The following NAALADL2 variants were observed in gnomAD, a reference collection of about 807,000 sequenced individuals.
NAALADL2 encodes the protein inactive N-acetylated-alpha-linked acidic dipeptidase-like protein 2.
NAALADL2 carries 76 observed loss-of-function variants against 87.2 expected under a neutral mutation model. That is an observed-to-expected ratio of 0.87 (90% CI 0.72 to 1.05). The LOEUF (loss-of-function observed/expected upper bound fraction) is 1.05. NAALADL2 is among the 50% of genes least tolerant of loss of function. The pLI is 0.00. For missense variants in NAALADL2, 1,089 were observed against 945.8 expected (o/e 1.15, Z -1.99); for synonymous variants, 354 against 331.0 (o/e 1.07, Z -0.75).
chr3:175,505,192 G>C (rs1242894099), intron 9 of NAALADL2, among the ~76,000 whole-genome samples: 3 of 151,688 alleles, frequency 2.0e-5, no homozygotes, highest in Non-Finnish European at 4.4e-5. Flanking sequence ...TTGAGCTCAG[G>C]AGTTCAGTGT....
rs137984430 is a variant in NAALADL2 at position 175,414,307 on chromosome 3, A to G, written c.1091-32922A>G. ...AGTGAATTAAGGCTTTATGAATATT[A>G]GATGCTCATGTATTTTTAGTATATG... On this transcript the variant is annotated intron_variant, in intron 5 of 13. Coordinates refer to ENST00000454872, the MANE Select transcript of NAALADL2 (RefSeq NM_207015.3). Among the ~76,000 whole-genome samples, 671 of 152,322 alleles carry G rather than the reference A, an allele frequency of 4.4e-3. 1 individual carries two copies. The highest frequency in any genetic ancestry group is 6.9e-3 in the Non-Finnish European group (470 of 68,022).
chr3:175,514,753 C>A (rs1300140513), intron 9 of NAALADL2, among the ~76,000 whole-genome samples: 1 of 151,894 alleles, frequency 6.6e-6, no homozygotes, highest in Non-Finnish European at 1.5e-5. Context: ...ACACTAGAGG[C>A]AAATAAAAGA....
At chr3:175,496,414 T>G in intron 9 of NAALADL2, among the ~76,000 whole-genome samples, 1 of 152,058 alleles carries the variant, frequency 6.6e-6, no homozygotes, top group South Asian at 2.1e-4. Flanking sequence ...CCATATATTT[T>G]ATATATTATC....
intron 5 of NAALADL2, among the ~76,000 whole-genome samples, chr3:175,402,837 C>A (rs1711566632): frequency 6.6e-6 from 1 of 152,110 alleles, no homozygotes; most frequent in African/African-American, 2.4e-5. Context: ...CTTCTTTGAC[C>A]AGACTTAGCA....
intron 10 of NAALADL2, among the ~76,000 whole-genome samples, chr3:175,593,981 C>CTT (rs11302779): frequency 4.0e-5 from 6 of 148,338 alleles, no homozygotes; most frequent in Admixed American, 1.3e-4. Context: ...TGTTGCTATT[C>CTT]TTTTTTTTTT....
At chr3:174,898,112 CAAAAAAAAAAAAAAA>C (rs913382744) in intron 1 of NAALADL2, among the ~76,000 whole-genome samples, 2 of 14,498 alleles carry the variant, frequency 1.4e-4, no homozygotes, top group South Asian at 3.4e-3. Flanking sequence ...GACTCCGTCT[CAAAAAAAAAAAAAAA>C]AAAAAAAAAA....
chr3:175,593,618 T>C (rs908079388), intron 10 of NAALADL2, among the ~76,000 whole-genome samples: 10 of 152,150 alleles, frequency 6.6e-5, no homozygotes, highest in African/African-American at 1.2e-4. Context: ...GAGAAACTGT[T>C]CCATGCTTTG....
rs1729720384 is a variant in NAALADL2 at position 174,703,194 on chromosome 3, C to T, written c.-114-34447C>T. ...TCACTTTGTTGCCCAAGGTGGAGTG[C>T]AGTGGTGTGATCTTGGCTCATTGTA... is the stretch of plus-strand genomic sequence containing the variant. On this transcript the variant is annotated intron_variant, in intron 2 of 3. Transcript: ENST00000434257. 2.0e-5 allele frequency among the ~76,000 whole-genome samples: 3 copies of T among 151,962 alleles called. No homozygotes were observed. In the South Asian group the frequency reaches 6.3e-4, roughly 32 times the overall value.
chr3:175,274,641 T>C (rs1440993319), intron 4 of NAALADL2, among the ~76,000 whole-genome samples: 1 of 152,150 alleles, frequency 6.6e-6, no homozygotes. Context: ...ATTTTGGGTC[T>C]TTAATCATTG....
intron 11 of NAALADL2, 90 bp from the exon 12 acceptor site, chr3:175,737,216 G>T: frequency 1.3e-6 from 1 of 768,538 alleles, no homozygotes. Flanking sequence ...TGCTCTAGAT[G>T]TATAAAAATA....
chr3:175,712,860 T>C (rs1237853180), intron 11 of NAALADL2, among the ~76,000 whole-genome samples: 1 of 152,012 alleles, frequency 6.6e-6, no homozygotes, highest in Non-Finnish European at 1.5e-5. Flanking sequence ...ATTCTGGAGC[T>C]CCAAATTACT....
At chr3:174,701,826 T>A (rs1729577985) in intron 2 of NAALADL2, among the ~76,000 whole-genome samples, 1 of 152,224 alleles carries the variant, frequency 6.6e-6, no homozygotes, top group East Asian at 1.9e-4. Context: ...TATCACCATT[T>A]GTTTATTCAT....
chr3:175,518,614 C>G (rs541874594), intron 9 of NAALADL2, among the ~76,000 whole-genome samples: 1 of 152,334 alleles, frequency 6.6e-6, no homozygotes, highest in African/African-American at 2.4e-5. Context: ...CTCTCCAAGT[C>G]CCGAGGTGGT....
chr3:175,021,289 T>A (rs1751524052), intron 1 of NAALADL2, among the ~76,000 whole-genome samples: 1 of 152,066 alleles, frequency 6.6e-6, no homozygotes, highest in Non-Finnish European at 1.5e-5. Flanking sequence ...GACCATGCCT[T>A]TTCTGTTAGA....
At chr3:174,647,666 T>C (rs1723936645) in intron 2 of NAALADL2, among the ~76,000 whole-genome samples, 1 of 152,192 alleles carries the variant, frequency 6.6e-6, no homozygotes, top group Admixed American at 6.5e-5. Flanking sequence ...CACAGAGCTG[T>C]TGTGCAGTGA....
intron 5 of NAALADL2, among the ~76,000 whole-genome samples, chr3:175,374,459 T>TTCA (rs1560454354): frequency 6.7e-5 from 9 of 133,400 alleles, no homozygotes; most frequent in Non-Finnish European, 1.1e-4. Flanking sequence ...GAGGCTGAGG[T>TTCA]AGAAGAATTG....
intron 11 of NAALADL2, among the ~76,000 whole-genome samples, chr3:175,669,340 G>T (rs750557490): frequency 4.6e-5 from 7 of 151,928 alleles, no homozygotes; most frequent in Non-Finnish European, 8.8e-5. Context: ...TAGCTTCAGT[G>T]GTCATTATGA....
chr3:174,921,832 A>C lies in NAALADL2; in HGVS notation c.43+62382A>C, dbSNP rs917275742. Reference sequence around the variant, plus strand: ...AAAAAAAAAAAAAAAGAAAAAGAAAAAGAAAAGAAAAAAATCTTCTTAGTA... The same window carrying C: ...AAAAAAAAAAAAAAAGAAAAAGAAACAGAAAAGAAAAAAATCTTCTTAGTA... On this transcript the variant is annotated intron_variant, in intron 1 of 13. Coordinates refer to ENST00000454872, the MANE Select transcript of NAALADL2 (RefSeq NM_207015.3). Among the ~76,000 whole-genome samples the C allele has an allele frequency of 1.9e-4, 23 of 121,544 alleles. 1 individual carries two copies. Among genetic ancestry groups the C allele is most frequent in the African/African-American group, 8.0e-4 (22 of 27,460 alleles). The allele number at this position is 121,544 out of a possible 152,430, so 79.7% of individuals were successfully genotyped here. A position where few individuals can be genotyped will look rare whatever the true frequency, so the allele number is the denominator to read the frequency against.
At chr3:174,518,001 G>A (rs866562795) in intron 1 of NAALADL2, among the ~76,000 whole-genome samples, 1 of 152,084 alleles carries the variant, frequency 6.6e-6, no homozygotes, top group Non-Finnish European at 1.5e-5. Context: ...GGTGATCAAT[G>A]GTAATTAACA....
Sources: gnomAD v4.1 joint callset for allele counts (sites outside exome capture counted in the v4.1 genomes callset) on GRCh38, gnomAD v4.1.1 for gene constraint, MANE v1.5 for transcripts, NCBI Gene and HGNC (gene_info 2026-07-23, HGNC 2026-07-21) for gene names.